The following MYO5A variants were observed in gnomAD, a reference collection of about 807,000 sequenced individuals.
MYO5A encodes myosin VA.
In MYO5A, 98 loss-of-function variants were observed where a neutral mutation model predicts 249.7. The ratio of observed to expected loss-of-function variants is 0.39; its 90% CI spans 0.33 to 0.46. The LOEUF (loss-of-function observed/expected upper bound fraction) is 0.46, where lower values mean the gene tolerates loss of function less well. Ranked by LOEUF, MYO5A falls within the 20% of genes least tolerant of loss-of-function variation. The pLI, the probability that MYO5A is intolerant of heterozygous loss-of-function variation, is 0.98. For synonymous variants in MYO5A, 778 were observed against 810.6 expected (o/e 0.96, Z 0.68); for missense variants, 1,696 against 2,308.8 (o/e 0.73, Z 5.44).
intron 1 of MYO5A, among the ~76,000 whole-genome samples, chr15:52,482,928 T>G (rs1011918659): frequency 6.6e-6 from 1 of 152,122 alleles, no homozygotes; most frequent in African/African-American, 2.4e-5. Flanking sequence ...GGACTGATAC[T>G]CAAGCTCACT....
In MYO5A at chr15:52,397,383, T is replaced by C. The variant is rs1446721655; in HGVS notation, c.1137A>G (p.Lys379=). ...EEMCHWLCHR[K]LATATETYIK... is the part of the protein sequence containing the mutation. ...TGTATGTCTCTGTGGCAGTAGCCAG[T>C]TTCCGATGGCAGAGCCAGTGACACA... The change falls in exon 10 of 42, where the codon AAA becomes AAG. Residue 379 remains lysine (K), a synonymous_variant. Coordinates refer to ENST00000399233, the MANE Select transcript of MYO5A (RefSeq NM_001382347.1). 3.7e-6 allele frequency: 6 copies of C among 1,613,978 alleles called. No individual in the cohort carries two copies. The highest frequency in any genetic ancestry group is 1.7e-5 in the Admixed American group (1 of 59,996).
chr15:52,528,730 G>A, intron 1 of MYO5A, 50 bp downstream of exon 1: 1 of 1,485,422 alleles, frequency 6.7e-7, no homozygotes, highest in Non-Finnish European at 8.9e-7. Context: ...ACAGCTGGCG[G>A]CGAGGGCCGC....
chr15:52,437,304 T>TA (rs1208101453), intron 1 of MYO5A, among the ~76,000 whole-genome samples: 1 of 152,106 alleles, frequency 6.6e-6, no homozygotes, highest in African/African-American at 2.4e-5. Context: ...ATAAAGAGAT[T>TA]AAGAGTCGGG....
At chr15:52,466,540 G>A (rs1161708362) in intron 1 of MYO5A, among the ~76,000 whole-genome samples, 1 of 152,210 alleles carries the variant, frequency 6.6e-6, no homozygotes, top group East Asian at 1.9e-4. Flanking sequence ...GCCAAGACTG[G>A]GGTGTAAGAG....
chr15:52,319,016 T>A, intron 39 of MYO5A, 44 bp downstream of exon 39: 2 of 1,609,388 alleles, frequency 1.2e-6, no homozygotes, highest in Middle Eastern at 3.8e-4. Flanking sequence ...GCAGGCCAGC[T>A]GGGCAGCAAA....
intron 2 of MYO5A, among the ~76,000 whole-genome samples, chr15:52,431,249 C>T (rs2075528440): frequency 1.1e-4 from 1 of 9,158 alleles, no homozygotes; most frequent in African/African-American, 2.6e-4. Flanking sequence ...AAAAAAAAGT[C>T]TAGTGCAGTA....
chr15:52,332,797 C>G (rs958161396), intron 34 of MYO5A, among the ~76,000 whole-genome samples: 3 of 152,128 alleles, frequency 2.0e-5, no homozygotes, highest in Non-Finnish European at 4.4e-5. Context: ...AACCCCATCT[C>G]TACTAAAAAT....
At chr15:52,321,631 A>G in intron 37 of MYO5A, 122 bp from the exon 38 acceptor site, 1 of 1,072,116 alleles carries the variant, frequency 9.3e-7, no homozygotes, top group Non-Finnish European at 1.4e-6. Context: ...CTTCCCCACT[A>G]ATGCCAGGAC....
In MYO5A at chr15:52,351,414, C is replaced by T. The variant is rs757840675; in HGVS notation, c.3689G>A (p.Ser1230Asn). The change falls in exon 28 of 42, where the codon AGT becomes AAT. Residue 1230 changes from serine (S) to asparagine (N), a missense_variant. Transcript: ENST00000399233. ...GGTCACCTCTGGGGCACTTTTCTCA[C>T]TGAGGGCCTTGCGCAACTCATTTAG... ...NELNELRKAL[S>N]EKSAPEVTAP... 2 of 1,614,176 alleles carry T rather than the reference C, an allele frequency of 1.2e-6. No individual in the cohort carries two copies. Among genetic ancestry groups the T allele is most frequent in the South Asian group, 2.2e-5 (2 of 91,086 alleles).
At chr15:52,330,770 A>G (rs1234923669) in intron 34 of MYO5A, among the ~76,000 whole-genome samples, 1 of 152,222 alleles carries the variant, frequency 6.6e-6, no homozygotes, top group Non-Finnish European at 1.5e-5. Flanking sequence ...TTTTTATGTA[A>G]TAAGGCTTAC....
intron 21 of MYO5A, 41 bp downstream of exon 21, chr15:52,372,083 T>A: frequency 6.2e-7 from 1 of 1,612,532 alleles, no homozygotes; most frequent in Non-Finnish European, 8.5e-7. Flanking sequence ...GTGGATTTCT[T>A]CAGGCATACT....
intron 5 of MYO5A, 73 bp from the exon 6 acceptor site, chr15:52,410,549 G>C (rs2043202873): frequency 6.4e-6 from 9 of 1,415,210 alleles, no homozygotes; most frequent in Non-Finnish European, 7.9e-6. Context: ...TCTGCTCAGA[G>C]AGAGAAAAGA....
chr15:52,473,021 T>C (rs1238814148), intron 1 of MYO5A, among the ~76,000 whole-genome samples: 1 of 152,214 alleles, frequency 6.6e-6, no homozygotes, highest in African/African-American at 2.4e-5. Context: ...AGTGTAAAAG[T>C]GTTCCTATTT....
rs948262833 is a variant in MYO5A at position 52,312,088 on chromosome 15, A to G, written c.*1608T>C. 1 of 152,284 alleles carries G rather than the reference A, an allele frequency of 6.6e-6. No individual in the cohort carries two copies. The highest frequency in any genetic ancestry group is 2.4e-5 in the African/African-American group (1 of 41,470). The allele number at this position is 152,284 out of a possible 1,614,324, so 9.4% of individuals were successfully genotyped here. A position where few individuals can be genotyped will look rare whatever the true frequency, so the allele number is the denominator to read the frequency against. On this transcript the variant is annotated 3_prime_UTR_variant, in exon 42 of 42. Transcript: ENST00000399233. ...AGAAAAATGGTGAATATGTTTAACT[A>G]GAATTTCAGAATGAAAACTTACAGA...
chr15:52,485,237 A>G (rs1468939397), intron 1 of MYO5A, among the ~76,000 whole-genome samples: 3 of 151,154 alleles, frequency 2.0e-5, no homozygotes, highest in African/African-American at 7.3e-5. Flanking sequence ...AATCTTTAAA[A>G]GAGAATAAAG....
chr15:52,493,253 CAAATG>C (rs1467696893), intron 1 of MYO5A, among the ~76,000 whole-genome samples: 2 of 152,158 alleles, frequency 1.3e-5, no homozygotes, highest in Non-Finnish European at 2.9e-5. Flanking sequence ...TGGAGCATTG[CAAATG>C]AGATGTATAA....
At chr15:52,455,003 T>TA (rs368172533) in intron 1 of MYO5A, among the ~76,000 whole-genome samples, 5,064 of 146,276 alleles carry the variant, frequency 0.035, 259 homozygotes, top group African/African-American at 0.12. Flanking sequence ...AAATTGAAAC[T>TA]AAAAAAAAAA....
intron 1 of MYO5A, among the ~76,000 whole-genome samples, chr15:52,490,174 A>T (rs2076907479): frequency 6.6e-6 from 1 of 152,148 alleles, no homozygotes; most frequent in African/African-American, 2.4e-5. Flanking sequence ...GGAAAACAGT[A>T]TGGTGGTTCC....
At chr15:52,420,493 G>A (rs2043736071) in intron 4 of MYO5A, among the ~76,000 whole-genome samples, 1 of 151,838 alleles carries the variant, frequency 6.6e-6, no homozygotes, top group South Asian at 2.1e-4. Flanking sequence ...AGATGACGTA[G>A]CAAGAAGACC....
Sources: gnomAD v4.1 joint callset for allele counts (sites outside exome capture counted in the v4.1 genomes callset) on GRCh38, gnomAD v4.1.1 for gene constraint, MANE v1.5 for transcripts, NCBI Gene and HGNC (gene_info 2026-07-23, HGNC 2026-07-21) for gene names.